The following IL23R variants were observed in gnomAD, a reference collection of about 807,000 sequenced individuals.
IL23R encodes interleukin 23 receptor.
In IL23R, 34 loss-of-function variants were observed where a neutral mutation model predicts 56.9. The observed-to-expected ratio is 0.60, with a 90% CI of 0.45 to 0.80. The LOEUF is 0.80. Ranked by LOEUF, IL23R falls within the 30% of genes least tolerant of loss-of-function variation. The pLI is 0.00. For synonymous variants in IL23R, 230 were observed against 249.2 expected, an observed-to-expected ratio of 0.92 and a Z score of 0.73; for missense variants, 635 against 730.0, an observed-to-expected ratio of 0.87 and a Z score of 1.50.
intron 9 of IL23R, among the ~76,000 whole-genome samples, chr1:67,245,246 T>C (rs1010377843): frequency 6.6e-6 from 1 of 152,208 alleles, no homozygotes; most frequent in Admixed American, 6.5e-5. Flanking sequence ...TATACAGTCA[T>C]GTCATCTGCA....
At chr1:67,198,136 C>G (rs978873833) in intron 4 of IL23R, among the ~76,000 whole-genome samples, 3 of 152,100 alleles carry the variant, frequency 2.0e-5, no homozygotes, top group Non-Finnish European at 2.9e-5. Flanking sequence ...CTCATTACTG[C>G]CAGGAGGGCA....
downstream of IL23R, among the ~76,000 whole-genome samples, chr1:67,261,448 T>TA (rs35299982): frequency 3.2e-4 from 46 of 142,470 alleles, no homozygotes; most frequent in African/African-American, 5.2e-4. Flanking sequence ...TTACATAGTG[T>TA]AAAAAAAAAA....
intron 7 of IL23R, among the ~76,000 whole-genome samples, chr1:67,230,847 C>T (rs1347575775): frequency 6.6e-6 from 1 of 152,204 alleles, no homozygotes; most frequent in Non-Finnish European, 1.5e-5. Flanking sequence ...ACATACTCAA[C>T]TCTTTACCCT....
At chr1:67,196,415 C>T (rs1227088009) in intron 4 of IL23R, among the ~76,000 whole-genome samples, 3 of 152,080 alleles carry the variant, frequency 2.0e-5, no homozygotes, top group Non-Finnish European at 4.4e-5. Context: ...TGGCACATGC[C>T]TGCGATCCCA....
At chr1:67,213,690 C>T (rs897269105) in intron 6 of IL23R, among the ~76,000 whole-genome samples, 4 of 152,120 alleles carry the variant, frequency 2.6e-5, no homozygotes, top group African/African-American at 7.2e-5. Flanking sequence ...ACCATATAGC[C>T]TAGGTGTGTA....
chr1:67,233,468 C>G (rs1231902260), intron 7 of IL23R, among the ~76,000 whole-genome samples: 1 of 152,088 alleles, frequency 6.6e-6, no homozygotes, highest in Non-Finnish European at 1.5e-5. Flanking sequence ...TGGCATCATC[C>G]TTAAAATACA....
intron 6 of IL23R, among the ~76,000 whole-genome samples, chr1:67,212,940 C>T (rs1323559757): frequency 6.6e-6 from 1 of 151,864 alleles, no homozygotes; most frequent in Non-Finnish European, 1.5e-5. Context: ...GTGGCGTGAT[C>T]TTGGCTCACT....
chr1:67,215,935 C>T (rs1375993705), intron 6 of IL23R, among the ~76,000 whole-genome samples: 3 of 152,176 alleles, frequency 2.0e-5, no homozygotes, highest in Non-Finnish European at 2.9e-5. Context: ...TTCATACCTA[C>T]CATCTCACTG....
Position 67,258,765 on chromosome 1 carries a change from T to C in IL23R, c.1527T>C (p.Leu509=). Residue 509 remains leucine (L), a synonymous_variant, in exon 11 of 11, where the codon CTT becomes CTC. Coordinates refer to ENST00000347310, the MANE Select transcript of IL23R (RefSeq NM_144701.3). ...ATAATGAAATTACTTCCTTAACACT[T>C]AAACCACCAGTTGATTCCTTAGACT... The part of the protein sequence containing the change: ...SNNNEITSLT[L]KPPVDSLDSG... 1 of 1,611,470 alleles carries C rather than the reference T, an allele frequency of 6.2e-7. No homozygotes were observed. Among genetic ancestry groups the C allele is most frequent in the Non-Finnish European group, 8.5e-7 (1 of 1,178,142 alleles).
At chr1:67,141,651 A>G (rs1489260672) in intron 1 of IL23R, among the ~76,000 whole-genome samples, 1 of 152,168 alleles carries the variant, frequency 6.6e-6, no homozygotes, top group Admixed American at 6.5e-5. Flanking sequence ...CCAGCTATTC[A>G]GGAGGCTGAG....
At chr1:67,147,929 G>GCTTTTTGT (rs1439158312) in intron 1 of IL23R, among the ~76,000 whole-genome samples, 2 of 152,142 alleles carry the variant, frequency 1.3e-5, no homozygotes, top group Non-Finnish European at 2.9e-5. Context: ...CAAGATGGTG[G>GCTTTTTGT]CAAGCCTTTT....
chr1:67,238,285 C>T (rs942348127), intron 8 of IL23R, among the ~76,000 whole-genome samples: 1 of 148,940 alleles, frequency 6.7e-6, no homozygotes, highest in African/African-American at 2.5e-5. Context: ...GAGATAGAGG[C>T]TGCAGTGAGC....
At chr1:67,172,183 AAAG>A (rs1393974975) in intron 3 of IL23R, among the ~76,000 whole-genome samples, 1 of 152,202 alleles carries the variant, frequency 6.6e-6, no homozygotes, top group East Asian at 1.9e-4. Flanking sequence ...GTAGGTCAAA[AAAG>A]GGTTTTTGAG....
intron 4 of IL23R, among the ~76,000 whole-genome samples, chr1:67,185,376 A>G (rs1039578471): frequency 1.3e-5 from 2 of 152,274 alleles, no homozygotes; most frequent in African/African-American, 4.8e-5. Context: ...ATCATTATGG[A>G]AGGGAATAAC....
intron 3 of IL23R, among the ~76,000 whole-genome samples, chr1:67,179,251 C>G (rs1165277775): frequency 6.6e-6 from 1 of 152,066 alleles, no homozygotes; most frequent in Non-Finnish European, 1.5e-5. Flanking sequence ...TGGTCCTGGA[C>G]TTTTTTTGGT....
intron 1 of IL23R, among the ~76,000 whole-genome samples, chr1:67,153,952 T>A (rs931092600): frequency 6.6e-6 from 1 of 152,100 alleles, no homozygotes; most frequent in Non-Finnish European, 1.5e-5. Flanking sequence ...TATGTTTTAG[T>A]GGAGACAGGG....
intron 4 of IL23R, among the ~76,000 whole-genome samples, chr1:67,186,297 C>G (rs1647327823): frequency 6.6e-6 from 1 of 152,176 alleles, no homozygotes; most frequent in Non-Finnish European, 1.5e-5. Flanking sequence ...AACTGCTTAT[C>G]CTGGTTGTTT....
In IL23R at chr1:67,259,085, T is replaced by C. The variant is rs1197056098; in HGVS notation, c.1847T>C (p.Ile616Thr). Reference protein sequence around the residue: ...PSINTYFPQNILESHFNRISL... With the variant: ...PSINTYFPQNTLESHFNRISL... The stretch of plus-strand genomic sequence containing the variant: ...ATTAATACTTATTTTCCACAAAATA[T>C]TTTGGAAAGCCACTTCAATAGGATT... The change falls in exon 11 of 11, where the codon ATT becomes ACT. Residue 616 changes from isoleucine to threonine, a missense_variant. Ile to Thr is a moderately conservative substitution (Grantham distance 89). Coordinates refer to ENST00000347310, the MANE Select transcript of IL23R (RefSeq NM_144701.3). 1.2e-6 allele frequency: 2 copies of C among 1,613,834 alleles called. No individual in the cohort carries two copies. Among genetic ancestry groups the C allele is most frequent in the East Asian group, 2.2e-5 (1 of 44,874 alleles).
intron 7 of IL23R, among the ~76,000 whole-genome samples, chr1:67,231,044 A>G (rs1651070295): frequency 6.6e-6 from 1 of 152,228 alleles, no homozygotes; most frequent in African/African-American, 2.4e-5. Flanking sequence ...ATTTAAAAAA[A>G]AACACATCCT....
Sources: gnomAD v4.1 joint callset for allele counts (sites outside exome capture counted in the v4.1 genomes callset) on GRCh38, gnomAD v4.1.1 for gene constraint, MANE v1.5 for transcripts, NCBI Gene and HGNC (gene_info 2026-07-23, HGNC 2026-07-21) for gene names.